Variants in BRD10 observed in about 807,000 individuals in gnomAD.
BRD10 encodes the protein uncharacterized bromodomain-containing protein 10.
the BRD10 span, among the ~76,000 whole-genome samples, chr9:5,981,443 T>G: frequency 3.0e-4 from 46 of 152,062 alleles, no homozygotes; most frequent in African/African-American, 1.1e-3. Flanking sequence ...ATGTGCCACA[T>G]GTTTCCTGGC....
chr9:5,892,653 T>C, the BRD10 span: 3 of 893,992 alleles, frequency 3.4e-6, no homozygotes, highest in Non-Finnish European at 5.1e-6. Flanking sequence ...CTCCCTAGTG[T>C]TTATCTCCCC....
At chr9:5,988,448 A>C in the BRD10 span, 2 of 1,613,830 alleles carry the variant, frequency 1.2e-6, no homozygotes, top group Non-Finnish European at 1.7e-6. Flanking sequence ...CGCGGTGTTG[A>C]CCGACGCCTT....
chr9:5,933,114 G>C, the BRD10 span, among the ~76,000 whole-genome samples: 355 of 152,264 alleles, frequency 2.3e-3, 2 homozygotes, highest in Middle Eastern at 0.014. Flanking sequence ...AAGATCATTT[G>C]TGGAGCAGTG....
chr9:5,969,216 C>T, the BRD10 span: 1 of 1,613,606 alleles, frequency 6.2e-7, no homozygotes, highest in Non-Finnish European at 8.5e-7. Context: ...GATAGAAAAG[C>T]ATTACACTGA....
chr9:5,960,163 T>G, the BRD10 span, among the ~76,000 whole-genome samples: 2 of 152,220 alleles, frequency 1.3e-5, no homozygotes, highest in Non-Finnish European at 2.9e-5. Flanking sequence ...TTGAGGTCAC[T>G]GACCACTTTT....
chr9:5,928,158 T>G, the BRD10 span, among the ~76,000 whole-genome samples: 2 of 152,102 alleles, frequency 1.3e-5, no homozygotes, highest in Admixed American at 6.5e-5. Flanking sequence ...ATTCCTCACT[T>G]TCTCTCATAC....
the BRD10 span, chr9:5,968,793 C>G: frequency 3.7e-6 from 6 of 1,613,924 alleles, no homozygotes; most frequent in Admixed American, 6.7e-5. Context: ...ATCCGTACAT[C>G]TGCACCACAG....
At chr9:5,993,862 C>T in the BRD10 span, among the ~76,000 whole-genome samples, 127 of 152,298 alleles carry the variant, frequency 8.3e-4, no homozygotes, top group Non-Finnish European at 6.5e-4. Context: ...TGGAGATTAA[C>T]AGCACAGCAC....
the BRD10 span, chr9:5,922,747 T>C: frequency 1.2e-6 from 2 of 1,613,894 alleles, no homozygotes; most frequent in South Asian, 1.1e-5. Context: ...CCTGAATCTT[T>C]ACAGAGCTAT....
At chr9:6,004,362 ATACT>A in the BRD10 span, among the ~76,000 whole-genome samples, 1 of 152,196 alleles carries the variant, frequency 6.6e-6, no homozygotes, top group African/African-American at 2.4e-5. Context: ...ATTCTAGAAG[ATACT>A]TAAATACTTG....
At chr9:5,994,902 T>TTTCTTTTTTC in the BRD10 span, among the ~76,000 whole-genome samples, 110 of 139,770 alleles carry the variant, frequency 7.9e-4, 2 homozygotes, top group Middle Eastern at 3.7e-3. Context: ...ATCATTTTTC[T>TTTCTTTTTTC]TTTTTTTTTT....
At chr9:5,952,030 T>C in the BRD10 span, among the ~76,000 whole-genome samples, 8 of 150,664 alleles carry the variant, frequency 5.3e-5, no homozygotes, top group African/African-American at 1.5e-4. Context: ...TTTATTTATT[T>C]ATTTATTTAG....
At chr9:5,992,849 C>T in the BRD10 span, among the ~76,000 whole-genome samples, 1 of 151,796 alleles carries the variant, frequency 6.6e-6, no homozygotes, top group Non-Finnish European at 1.5e-5. Flanking sequence ...TGATATTAAG[C>T]TTTACTTATA....
the BRD10 span, among the ~76,000 whole-genome samples, chr9:5,926,836 A>C: frequency 6.6e-6 from 1 of 152,136 alleles, no homozygotes; most frequent in Non-Finnish European, 1.5e-5. Flanking sequence ...TTAATTTCCA[A>C]AACATTAAAA....
chr9:5,933,305 A>G, the BRD10 span, among the ~76,000 whole-genome samples: 1 of 152,264 alleles, frequency 6.6e-6, no homozygotes, highest in Admixed American at 6.5e-5. Context: ...CATGAATTTC[A>G]TAATTCAAAT....
At chr9:5,921,300 C>T in the BRD10 span, 2 of 1,613,906 alleles carry the variant, frequency 1.2e-6, no homozygotes. Flanking sequence ...TGAGACACAG[C>T]TGGTGATGAA....
the BRD10 span, among the ~76,000 whole-genome samples, chr9:5,973,781 G>A: frequency 1.3e-5 from 2 of 152,030 alleles, no homozygotes; most frequent in African/African-American, 2.4e-5. Flanking sequence ...ATTCAGGAGG[G>A]CGAGGTGGGA....
At chr9:5,884,225 A>C in the BRD10 span, among the ~76,000 whole-genome samples, 145 of 152,312 alleles carry the variant, frequency 9.5e-4, 3 homozygotes, top group Non-Finnish European at 1.5e-5. Context: ...GCCACCTGGG[A>C]GGTAGATATC....
the BRD10 span, among the ~76,000 whole-genome samples, chr9:5,989,703 T>C: frequency 6.6e-6 from 1 of 152,020 alleles, no homozygotes; most frequent in Admixed American, 6.6e-5. Flanking sequence ...CTAACTTTTG[T>C]AATTTTGTAG....
Sources: allele counts gnomAD v4.1 joint callset (sites outside exome capture counted in the v4.1 genomes callset), GRCh38; gene constraint gnomAD v4.1.1; transcripts MANE v1.5; gene names NCBI Gene and HGNC (gene_info 2026-07-23, HGNC 2026-07-21).